Variants in ZW10 observed in about 807,000 individuals in gnomAD.
ZW10 encodes centromere/kinetochore protein zw10 homolog.
A neutral mutation model predicts 87.8 loss-of-function variants in ZW10; 53 were observed. The observed-to-expected ratio is 0.60, with a 90% confidence interval of 0.48 to 0.76. The LOEUF (loss-of-function observed/expected upper bound fraction) is 0.76. ZW10 is among the 30% of genes least tolerant of loss of function. ZW10 has a pLI of 0.00. For missense variants in ZW10, 837 were observed against 923.0 expected, an observed-to-expected ratio of 0.91 and a Z score of 1.21; for synonymous variants, 312 against 329.2, an observed-to-expected ratio of 0.95 and a Z score of 0.57.
Position 113,773,632 on chromosome 11 carries a change from G to C in ZW10, c.35C>G (p.Ser12Cys), listed in dbSNP as rs1343876388. The C allele has an allele frequency of 6.2e-7, 1 of 1,613,886 alleles. No homozygotes were observed. The highest frequency in any genetic ancestry group is 8.5e-7 in the Non-Finnish European group (1 of 1,179,964). ...CAGATCCTCCTTTTCCAGCCTCCCG[G>C]AGTGTGCCAAAACTTCTGTCACGAA... ...ASFVTEVLAH[S>C]GRLEKEDLGT... is the part of the protein sequence containing the mutation. Residue 12 changes from serine (S) to cysteine (C), a missense_variant, in exon 1 of 16, where the codon TCC (serine) becomes TGC (cysteine). Ser to Cys is a moderately radical substitution (Grantham distance 112). Coordinates refer to ENST00000200135, the MANE Select transcript of ZW10 (RefSeq NM_004724.4).
intron 10 of ZW10, among the ~76,000 whole-genome samples, chr11:113,743,426 T>A (rs886567030): frequency 1.3e-5 from 2 of 152,224 alleles, no homozygotes; most frequent in African/African-American, 4.8e-5. Flanking sequence ...GATTCTAAGT[T>A]CTTTGCATGT....
At position 113,770,144 on chromosome 11, in the gene ZW10, G is replaced by A. The variant is rs550057189; in HGVS notation, c.106-1177C>T. 444 of 146,642 alleles carry A rather than the reference G, an allele frequency of 3.0e-3. 3 individuals are homozygous for A. Among genetic ancestry groups the A allele is most frequent in the African/African-American group, 9.7e-3 (370 of 38,064 alleles). 9.1% of individuals were successfully genotyped at this position (146,642 alleles called of 1,614,324 possible). On this transcript the variant is annotated intron_variant, in intron 1 of 15. Transcript: ENST00000200135. Reference sequence around the variant, plus strand: ...CGCTCTGTCATCCAGGCTGGAATGCGGTGGTGGAATCTTGGCTCACTGCAA... The same window carrying A: ...CGCTCTGTCATCCAGGCTGGAATGCAGTGGTGGAATCTTGGCTCACTGCAA...
intron 11 of ZW10, 90 bp from the exon 12 acceptor site, chr11:113,739,472 T>C (rs546293997): frequency 6.0e-6 from 7 of 1,162,968 alleles, no homozygotes; most frequent in Non-Finnish European, 8.5e-6. Flanking sequence ...AATGTATTTC[T>C]AGGCTTTAAT....
At chr11:113,741,645 A>C in intron 11 of ZW10, 49 bp downstream of exon 11, 2 of 1,265,732 alleles carry the variant, frequency 1.6e-6, no homozygotes, top group Non-Finnish European at 2.2e-6. Flanking sequence ...TAACTTCCAC[A>C]TCTTAGACAT....
At chr11:113,739,139 T>C (rs1485076709) in intron 12 of ZW10, 74 bp downstream of exon 12, 9 of 1,533,036 alleles carry the variant, frequency 5.9e-6, no homozygotes, top group African/African-American at 1.4e-5. Flanking sequence ...ATTTTCTCAT[T>C]CAAAAACTAT....
intron 15 of ZW10, 58 bp downstream of exon 15, chr11:113,736,562 C>G: frequency 6.4e-7 from 1 of 1,550,540 alleles, no homozygotes; most frequent in Non-Finnish European, 8.9e-7. Flanking sequence ...ATCAAGGGCA[C>G]TATTACTCTC....
intron 8 of ZW10, 131 bp from the exon 9 acceptor site, chr11:113,747,844 G>A: frequency 1.7e-6 from 1 of 603,394 alleles, no homozygotes; most frequent in East Asian, 2.9e-5. Context: ...CAATTACTAG[G>A]TATAAAAATA....
intron 2 of ZW10, among the ~76,000 whole-genome samples, chr11:113,764,253 G>T (rs1490171425): frequency 6.6e-6 from 1 of 152,138 alleles, no homozygotes; most frequent in Non-Finnish European, 1.5e-5. Context: ...ATGCTGTTTT[G>T]GTTACTGTAG....
intron 9 of ZW10, among the ~76,000 whole-genome samples, chr11:113,745,330 G>A (rs895278259): frequency 4.6e-5 from 7 of 151,234 alleles, no homozygotes; most frequent in Non-Finnish European, 8.8e-5. Context: ...AAAGCATGTA[G>A]AGGCAGCAGG....
At chr11:113,735,294 C>CT (rs1237259147) in intron 15 of ZW10, among the ~76,000 whole-genome samples, 1 of 152,126 alleles carries the variant, frequency 6.6e-6, no homozygotes, top group African/African-American at 2.4e-5. Context: ...CAAGAAAGCC[C>CT]TTTAACAACA....
At chr11:113,754,310 C>T (rs911549731) in intron 7 of ZW10, among the ~76,000 whole-genome samples, 2 of 152,086 alleles carry the variant, frequency 1.3e-5, no homozygotes, top group South Asian at 4.1e-4. Context: ...CATAGTGAAA[C>T]CCCGTCTCTA....
chr11:113,760,091 C>G (rs1953840913), intron 5 of ZW10, 118 bp downstream of exon 5: 2 of 1,264,858 alleles, frequency 1.6e-6, no homozygotes, highest in Non-Finnish European at 2.2e-6. Flanking sequence ...GTGCTCAATA[C>G]AGACATGGAA....
chr11:113,746,495 CAAAA>C lies in ZW10; in HGVS notation c.1272+1032_1272+1035del, dbSNP rs566009326. Among the ~76,000 whole-genome samples the C allele has an allele frequency of 8.6e-3, 907 of 105,330 alleles. 11 individuals carry two copies. The highest frequency in any genetic ancestry group is 0.032 in the African/African-American group (816 of 25,716). 69.1% of individuals were successfully genotyped at this position (105,330 alleles called of 152,430 possible). Reference sequence around the variant, plus strand: ...GAGATATAACAGTAAACAAAACAGTCAAAAAAAAAAAAAAAAAAAACAACAACAA... The same window carrying C: ...GAGATATAACAGTAAACAAAACAGTCAAAAAAAAAAAAAAAACAACAACAA... On this transcript the variant is annotated intron_variant, in intron 9 of 15. Coordinates refer to ENST00000200135, the MANE Select transcript of ZW10 (RefSeq NM_004724.4).
chr11:113,753,656 C>CCCA (rs1953755449), intron 7 of ZW10, among the ~76,000 whole-genome samples: 1 of 152,142 alleles, frequency 6.6e-6, no homozygotes, highest in Admixed American at 6.5e-5. Flanking sequence ...TCCATCTGCC[C>CCCA]TGGCCTCCCA....
chr11:113,747,598 T>A lies in ZW10; in HGVS notation c.1205A>T (p.Lys402Ile). The change falls in exon 9 of 16, where the codon AAA becomes ATA. Residue 402 changes from lysine to isoleucine, a missense_variant. Lys to Ile is a moderately radical substitution (Grantham distance 102). Transcript: ENST00000200135. ...TGCCACAATCACATCCTGGCACTTT[T>A]TGTTTGCAAAATGAGAATTGATGTT... The part of the protein sequence containing the change: ...ARNINSHFAN[K>I]KCQDVIVAAR... The A allele has an allele frequency of 6.2e-7, 1 of 1,613,798 alleles. No homozygotes were observed. Among genetic ancestry groups the A allele is most frequent in the East Asian group, 2.2e-5 (1 of 44,846 alleles).
intron 7 of ZW10, among the ~76,000 whole-genome samples, chr11:113,752,745 T>C (rs1953746821): frequency 6.6e-6 from 1 of 152,170 alleles, no homozygotes; most frequent in African/African-American, 2.4e-5. Context: ...TGTCTCTATC[T>C]CCTAGGGTTT....
chr11:113,770,083 CTT>C (rs34348055), intron 1 of ZW10: 50 of 103,172 alleles, frequency 4.8e-4, no homozygotes, highest in South Asian at 9.8e-4. Context: ...TGTTAAATTT[CTT>C]TTTTTTTTTT....
chr11:113,744,918 A>C (rs1404709595), intron 9 of ZW10, among the ~76,000 whole-genome samples: 1 of 152,162 alleles, frequency 6.6e-6, no homozygotes, highest in Non-Finnish European at 1.5e-5. Flanking sequence ...ATTTCAGCTA[A>C]ATAAAAAGAC....
intron 1 of ZW10, among the ~76,000 whole-genome samples, 166 bp from the exon 2 acceptor site, chr11:113,769,133 A>G (rs541635806): frequency 3.3e-5 from 5 of 152,300 alleles, no homozygotes; most frequent in East Asian, 3.9e-4. Context: ...TCAAAAACAC[A>G]TTTCTCCCAC....
Sources: allele counts gnomAD v4.1 joint callset (sites outside exome capture counted in the v4.1 genomes callset), GRCh38; gene constraint gnomAD v4.1.1; transcripts MANE v1.5; gene names NCBI Gene and HGNC (gene_info 2026-07-23, HGNC 2026-07-21).